Variants in KALRN observed in about 807,000 individuals in gnomAD.
The protein encoded by KALRN is kalirin.
KALRN carries 70 observed loss-of-function variants against 353.7 expected under a neutral mutation model. The ratio of observed to expected loss-of-function variants is 0.20; its 90% CI spans 0.16 to 0.24. KALRN has a LOEUF of 0.24. Ranked by LOEUF, KALRN falls within the 10% of genes least tolerant of loss-of-function variation. The probability of loss-of-function intolerance (pLI) is 1.00; values close to 1 mark genes in which losing one functional copy is unlikely to be tolerated. For missense variants in KALRN, 2,791 were observed against 3,756.7 expected (o/e 0.74, Z 6.72); for synonymous variants, 1,391 against 1,434.8 (o/e 0.97, Z 0.69).
At chr3:124,133,717 G>A (rs2149715105) in intron 1 of KALRN, among the ~76,000 whole-genome samples, 1 of 152,352 alleles carries the variant, frequency 6.6e-6, no homozygotes, top group South Asian at 2.1e-4. Flanking sequence ...AGGGCTACCT[G>A]AGTCCAGAGA....
At chr3:124,285,648 G>A (rs900346205) in intron 5 of KALRN, among the ~76,000 whole-genome samples, 3 of 152,112 alleles carry the variant, frequency 2.0e-5, no homozygotes, top group South Asian at 4.1e-4. Flanking sequence ...TGATTCTCCT[G>A]CCTCAACCTC....
intron 13 of KALRN, 49 bp from the exon 14 acceptor site, chr3:124,413,421 C>T: frequency 6.7e-7 from 1 of 1,499,786 alleles, no homozygotes; most frequent in Non-Finnish European, 9.2e-7. Flanking sequence ...ACCTAACAAT[C>T]TCTCGTGGAC....
At chr3:124,406,520 CACTT>C (rs1450300627) in intron 13 of KALRN, among the ~76,000 whole-genome samples, 1 of 152,264 alleles carries the variant, frequency 6.6e-6, no homozygotes, top group African/African-American at 2.4e-5. Flanking sequence ...ATTTGTCTTC[CACTT>C]TCCTCATCTT....
chr3:124,332,122 T>C (rs188897866), intron 8 of KALRN, among the ~76,000 whole-genome samples: 494 of 152,252 alleles, frequency 3.2e-3, no homozygotes, highest in Non-Finnish European at 5.4e-3. Context: ...CAGTCAATTA[T>C]GGGAGATGGG....
intron 5 of KALRN, among the ~76,000 whole-genome samples, chr3:124,277,234 T>A (rs2074838729): frequency 6.6e-6 from 1 of 152,216 alleles, no homozygotes; most frequent in South Asian, 2.1e-4. Flanking sequence ...CAAAGAGCTG[T>A]GACCTTCGGG....
intron 31 of KALRN, 40 bp downstream of exon 31, chr3:124,491,464 G>A: frequency 7.0e-7 from 1 of 1,432,394 alleles, no homozygotes. Flanking sequence ...TAGGGTTGGG[G>A]ATAATAGAAG....
intron 25 of KALRN, among the ~76,000 whole-genome samples, chr3:124,469,457 C>G (rs2060673311): frequency 6.6e-6 from 1 of 152,202 alleles, no homozygotes; most frequent in Non-Finnish European, 1.5e-5. Context: ...TTAATACCTG[C>G]TCCAGTATGC....
At chr3:124,257,619 T>C in intron 3 of KALRN, among the ~76,000 whole-genome samples, 1 of 152,056 alleles carries the variant, frequency 6.6e-6, no homozygotes, top group Admixed American at 6.6e-5. Flanking sequence ...CACAGCTCAG[T>C]TTGAAGGGAT....
At chr3:124,266,600 G>T (rs1042215751) in intron 4 of KALRN, among the ~76,000 whole-genome samples, 7 of 152,182 alleles carry the variant, frequency 4.6e-5, no homozygotes, top group Non-Finnish European at 1.0e-4. Context: ...ATGTGTGTGT[G>T]TTGAAAACAC....
intron 2 of KALRN, among the ~76,000 whole-genome samples, chr3:124,231,880 C>T (rs1230328459): frequency 6.6e-6 from 1 of 152,172 alleles, no homozygotes; most frequent in Non-Finnish European, 1.5e-5. Context: ...GTAATTTCAG[C>T]ATCTATGTCA....
intron 34 of KALRN, among the ~76,000 whole-genome samples, chr3:124,575,011 G>C (rs2073948836): frequency 6.6e-6 from 1 of 152,192 alleles, no homozygotes; most frequent in Non-Finnish European, 1.5e-5. Flanking sequence ...GGATCTATGT[G>C]GGGGTGAAAC....
chr3:124,469,858 T>C (rs754311339), intron 25 of KALRN, among the ~76,000 whole-genome samples: 7 of 152,212 alleles, frequency 4.6e-5, no homozygotes, highest in Non-Finnish European at 7.3e-5. Flanking sequence ...GCTGACAAGA[T>C]TGTGCGCTCC....
intron 34 of KALRN, among the ~76,000 whole-genome samples, chr3:124,620,762 G>C (rs1187767731): frequency 6.6e-6 from 1 of 152,220 alleles, no homozygotes; most frequent in Non-Finnish European, 1.5e-5. Context: ...TTATCTAGGG[G>C]CAGAGGGTGG....
intron 48 of KALRN, 141 bp from the exon 49 acceptor site, chr3:124,674,223 C>G: frequency 2.8e-6 from 2 of 703,434 alleles, no homozygotes; most frequent in Non-Finnish European, 2.4e-6. Flanking sequence ...AATATCATGT[C>G]ATTACTCAAG....
intron 1 of KALRN, among the ~76,000 whole-genome samples, chr3:124,176,495 G>C (rs2072778593): frequency 6.6e-6 from 1 of 152,084 alleles, no homozygotes; most frequent in African/African-American, 2.4e-5. Flanking sequence ...ATATCAATTG[G>C]AACCAAATAC....
chr3:124,530,954 C>A (rs2067994995), intron 33 of KALRN, among the ~76,000 whole-genome samples: 3 of 152,174 alleles, frequency 2.0e-5, no homozygotes, highest in African/African-American at 7.2e-5. Flanking sequence ...TGGATTTAAA[C>A]AACAAGGACT....
intron 45 of KALRN, among the ~76,000 whole-genome samples, chr3:124,664,249 G>A (rs2085263584): frequency 6.6e-6 from 1 of 152,000 alleles, no homozygotes; most frequent in African/African-American, 2.4e-5. Flanking sequence ...TGGGTCTCTG[G>A]AGGAAGTGAC....
intron 10 of KALRN, among the ~76,000 whole-genome samples, chr3:124,356,396 C>T (rs961413215): frequency 6.2e-5 from 9 of 145,140 alleles, no homozygotes; most frequent in African/African-American, 1.0e-4. Context: ...TGCAATGGCG[C>T]GATTTCGGCT....
intron 1 of KALRN, among the ~76,000 whole-genome samples, chr3:124,037,959 T>G (rs1247824818): frequency 6.6e-6 from 1 of 152,158 alleles, no homozygotes; most frequent in Non-Finnish European, 1.5e-5. Flanking sequence ...GGAGTTGTTT[T>G]GTCAGCAGTT....
Sources: gnomAD v4.1 joint callset for allele counts (sites outside exome capture counted in the v4.1 genomes callset) on GRCh38, gnomAD v4.1.1 for gene constraint, MANE v1.5 for transcripts, NCBI Gene and HGNC (gene_info 2026-07-23, HGNC 2026-07-21) for gene names.